SNX5: variants seen among roughly 807,000 people sequenced by gnomAD.
SNX5 encodes sorting nexin-5.
In SNX5, 31 loss-of-function variants were observed where a neutral mutation model predicts 53.9. The observed-to-expected ratio is 0.58, with a 90% CI of 0.43 to 0.78. The LOEUF (loss-of-function observed/expected upper bound fraction) is 0.78. Ranked by LOEUF, SNX5 falls within the 30% of genes least tolerant of loss-of-function variation. The probability of loss-of-function intolerance (pLI) is 0.00; values close to 1 mark genes in which losing one functional copy is unlikely to be tolerated. For synonymous variants in SNX5, 168 were observed against 171.1 expected, an observed-to-expected ratio of 0.98 and a Z score of 0.14; for missense variants, 471 against 478.8, an observed-to-expected ratio of 0.98 and a Z score of 0.15.
intron 8 of SNX5, among the ~76,000 whole-genome samples, chr20:17,949,572 A>G (rs1354132891): frequency 5.9e-5 from 9 of 152,234 alleles, no homozygotes; most frequent in Admixed American, 4.6e-4. Flanking sequence ...AAACTGAAAC[A>G]CATACATAAG....
At chr20:17,960,258 C>G (rs556519428) in intron 1 of SNX5, among the ~76,000 whole-genome samples, 1 of 151,970 alleles carries the variant, frequency 6.6e-6, no homozygotes, top group East Asian at 1.9e-4. Context: ...GTCAGGAGAT[C>G]GAGACCAGCC....
chr20:17,956,758 G>A (rs1015378422), intron 2 of SNX5, among the ~76,000 whole-genome samples, 175 bp downstream of exon 2: 2 of 145,574 alleles, frequency 1.4e-5, no homozygotes, highest in African/African-American at 2.5e-5. Context: ...TGCTGCTGCC[G>A]CCACAATGGC....
chr20:17,967,770 C>T (rs2035575761), intron 1 of SNX5: 1 of 296,952 alleles, frequency 3.4e-6, no homozygotes, highest in African/African-American at 2.2e-5. Context: ...GACCTAGGGA[C>T]AGTTTACATC....
At chr20:17,966,000 C>T (rs16978654) in intron 1 of SNX5, among the ~76,000 whole-genome samples, 41,410 of 151,976 alleles carry the variant, frequency 0.27, 5,974 homozygotes, top group East Asian at 0.44. Context: ...GCAGCTTCCA[C>T]ACCAGTTAAA....
chr20:17,963,486 C>T (rs950249860), intron 1 of SNX5, among the ~76,000 whole-genome samples: 3 of 152,156 alleles, frequency 2.0e-5, no homozygotes, highest in Non-Finnish European at 2.9e-5. Context: ...AAGTAAAAAA[C>T]AGAAATGCCA....
intron 11 of SNX5, chr20:17,945,411 G>A (rs1018541482): frequency 1.3e-5 from 2 of 152,190 alleles, no homozygotes; most frequent in Non-Finnish European, 2.9e-5. Context: ...TTTTTAGATA[G>A]TGTACCTATC....
intron 1 of SNX5, chr20:17,961,934 T>C (rs2035458982): frequency 7.1e-6 from 7 of 983,126 alleles, no homozygotes; most frequent in Non-Finnish European, 8.5e-6. Context: ...AATTCAAAGA[T>C]GTTCTGTCAC....
At chr20:17,963,459 T>C (rs1367976989) in intron 1 of SNX5, among the ~76,000 whole-genome samples, 1 of 152,190 alleles carries the variant, frequency 6.6e-6, no homozygotes, top group Non-Finnish European at 1.5e-5. Context: ...GCCGAGACCC[T>C]GAGACCCTGT....
intron 5 of SNX5, among the ~76,000 whole-genome samples, chr20:17,951,946 G>A (rs946471852): frequency 2.5e-4 from 38 of 152,334 alleles, no homozygotes; most frequent in Non-Finnish European, 4.6e-4. Flanking sequence ...ATTCGCGGCC[G>A]GGCGCAGTGG....
intron 1 of SNX5, among the ~76,000 whole-genome samples, chr20:17,966,678 T>C (rs2035543072): frequency 6.6e-6 from 1 of 152,210 alleles, no homozygotes; most frequent in Non-Finnish European, 1.5e-5. Flanking sequence ...TTAGGGAGAA[T>C]TCCAAACCAA....
chr20:17,965,015 G>A (rs2035515521), intron 1 of SNX5, among the ~76,000 whole-genome samples: 1 of 152,150 alleles, frequency 6.6e-6, no homozygotes, highest in African/African-American at 2.4e-5. Context: ...TTCTCACAAA[G>A]ATATCCAACA....
intron 1 of SNX5, chr20:17,968,158 G>T (rs989388287): frequency 9.9e-6 from 4 of 404,460 alleles, no homozygotes; most frequent in African/African-American, 6.2e-5. Flanking sequence ...CCGCGTCTCT[G>T]GTTCTGTCCT....
rs1219857253 is a variant in SNX5 at position 17,941,627 on chromosome 20, CT to C, written c.*729del. Reference sequence around the variant, plus strand: ...AGTAGCACGATTATTTTATTATATGCTTTATAAAAAAACAAACACCCAAAGA... The same window carrying C: ...AGTAGCACGATTATTTTATTATATGCTTATAAAAAAACAAACACCCAAAGA... On this transcript the variant is annotated 3_prime_UTR_variant, in exon 13 of 13. Coordinates refer to ENST00000377759, the MANE Select transcript of SNX5 (RefSeq NM_014426.4). The C allele has an allele frequency of 6.6e-6, 1 of 152,146 alleles. No individual in the cohort carries two copies. The highest frequency in any genetic ancestry group is 1.5e-5 in the Non-Finnish European group (1 of 68,046). The allele number at this position is 152,146 out of a possible 1,614,324, so 9.4% of individuals were successfully genotyped here.
At chr20:17,942,795 C>T (rs2039434731) in intron 12 of SNX5, 1 of 366,680 alleles carries the variant, frequency 2.7e-6, no homozygotes, top group Non-Finnish European at 4.9e-6. Flanking sequence ...CTTTAGCTCA[C>T]ACCTGTAATC....
chr20:17,963,143 TCAATACAC>T (rs1413904826), intron 1 of SNX5, among the ~76,000 whole-genome samples: 1 of 152,192 alleles, frequency 6.6e-6, no homozygotes, highest in African/African-American at 2.4e-5. Context: ...CTACTGGGAA[TCAATACAC>T]CACTGCTACC....
intron 11 of SNX5, among the ~76,000 whole-genome samples, chr20:17,945,768 T>G (rs1323885249): frequency 6.6e-6 from 1 of 152,212 alleles, no homozygotes; most frequent in Admixed American, 6.5e-5. Context: ...CATTGTATTA[T>G]AATCCTGAAT....
chr20:17,957,095 C>A, intron 1 of SNX5, 58 bp from the exon 2 acceptor site: 2 of 1,003,208 alleles, frequency 2.0e-6, no homozygotes, highest in Non-Finnish European at 3.2e-6. Flanking sequence ...AAAATTATTC[C>A]AAAAATGAGT....
rs1181052911 is a variant in SNX5 at position 17,948,884 on chromosome 20, T to C, written c.918+6A>G. ...GCTCTGAGAAGCTGAGCAACTCTCT[T>C]CCTACCTTAGCAGCTTCAATGTTGA... On this transcript the variant is annotated splice_donor_region_variant and intron_variant, in intron 10 of 12. Transcript: ENST00000377759. The C allele has an allele frequency of 6.2e-7, 1 of 1,610,776 alleles. No homozygotes were observed. Among genetic ancestry groups the C allele is most frequent in the African/African-American group, 1.3e-5 (1 of 74,848 alleles).
intron 3 of SNX5, 106 bp from the exon 4 acceptor site, chr20:17,954,223 C>G (rs568046117): frequency 6.6e-7 from 1 of 1,510,806 alleles, no homozygotes; most frequent in African/African-American, 1.4e-5. Context: ...CCACTCCACT[C>G]CTGTGGGGCT....
Sources: gnomAD v4.1 joint callset for allele counts (sites outside exome capture counted in the v4.1 genomes callset) on GRCh38, gnomAD v4.1.1 for gene constraint, MANE v1.5 for transcripts, NCBI Gene and HGNC (gene_info 2026-07-23, HGNC 2026-07-21) for gene names.